Variants in CNTN6 observed in about 807,000 individuals in gnomAD.
The protein encoded by CNTN6 is contactin-6.
Under a neutral mutation model 122.8 loss-of-function variants are expected in CNTN6, and 137 were observed. That is an observed-to-expected ratio of 1.12 (90% confidence interval 0.97 to 1.29). The LOEUF is 1.29. CNTN6 is among the 50% of genes most tolerant of loss of function. The pLI, the probability that CNTN6 is intolerant of heterozygous loss-of-function variation, is 0.00. For missense variants in CNTN6, 1,634 were observed against 1,223.4 expected (o/e 1.34, Z -5.01); for synonymous variants, 570 against 426.0 (o/e 1.34, Z -4.16).
In CNTN6 at chr3:1,236,469, C is replaced by G. The variant is rs139137622; in HGVS notation, c.358+8476C>G. 3.6e-3 allele frequency among the ~76,000 whole-genome samples: 518 copies of G among 145,286 alleles called. 4 individuals carry two copies. The highest frequency in any genetic ancestry group is 0.014 in the African/African-American group (488 of 35,500). ...CTGGTAGCTCCACTGGGTGCCAGAT[C>G]CAGAAAAGCAAAGCAATCACTACAG... On this transcript the variant is annotated intron_variant, in intron 4 of 22. Transcript: ENST00000446702.
chr3:1,375,254 G>A (rs1217541676), intron 16 of CNTN6, among the ~76,000 whole-genome samples: 1 of 152,022 alleles, frequency 6.6e-6, no homozygotes, highest in Admixed American at 6.6e-5. Flanking sequence ...TTTGGACAGG[G>A]TTGACAGAAA....
chr3:1,360,174 C>T (rs1304779659), intron 12 of CNTN6, among the ~76,000 whole-genome samples: 2 of 151,986 alleles, frequency 1.3e-5, no homozygotes, highest in African/African-American at 4.8e-5. Context: ...AAGTAGAATT[C>T]TAGACTGGAA....
chr3:1,245,245 CATATATATATA>C lies in CNTN6; in HGVS notation c.358+17254_358+17264del, dbSNP rs1353177663. ...ATATATATATATATATACACACACA[CATATATATATA>C]ACATATATATATATATATACACACA... On this transcript the variant is annotated intron_variant, in intron 4 of 22. Coordinates refer to ENST00000446702, the MANE Select transcript of CNTN6 (RefSeq NM_001289080.2). 8.4e-3 allele frequency among the ~76,000 whole-genome samples: 118 copies of C among 14,118 alleles called. 23 individuals are homozygous for C. Among genetic ancestry groups the C allele is most frequent in the African/African-American group, 0.028 (107 of 3,772 alleles). 9.3% of individuals were successfully genotyped at this position (14,118 alleles called of 152,430 possible). A position where few individuals can be genotyped will look rare whatever the true frequency, so the allele number is the denominator to read the frequency against.
rs545213995 is a variant in CNTN6, at chr3:1,263,276, C to T, written c.359-15137C>T. Among the ~76,000 whole-genome samples, 82 of 152,242 alleles carry T rather than the reference C, an allele frequency of 5.4e-4. 2 individuals carry two copies. In the South Asian group the frequency reaches 0.016, roughly 30 times the overall value. The stretch of plus-strand genomic sequence containing the variant: ...AGCACAGATTTATCTGACTCCAAAG[C>T]CCAAACATTTTCCTTCAACTATGTG... On this transcript the variant is annotated intron_variant, in intron 4 of 22. Transcript: ENST00000446702.
intron 5 of CNTN6, among the ~76,000 whole-genome samples, chr3:1,286,085 C>G (rs1644840975): frequency 6.6e-6 from 1 of 152,224 alleles, no homozygotes; most frequent in Non-Finnish European, 1.5e-5. Context: ...GCACATCAAA[C>G]AGAACTCTCC....
At chr3:1,357,678 A>G (rs1381616372) in intron 12 of CNTN6, among the ~76,000 whole-genome samples, 3 of 151,888 alleles carry the variant, frequency 2.0e-5, no homozygotes, top group Non-Finnish European at 4.4e-5. Context: ...CGCATTGTTC[A>G]AAGTCTAGCA....
intron 4 of CNTN6, among the ~76,000 whole-genome samples, chr3:1,262,208 T>C (rs1277262003): frequency 6.6e-6 from 1 of 152,128 alleles, no homozygotes; most frequent in Non-Finnish European, 1.5e-5. Flanking sequence ...ACAAGAGGAC[T>C]TCATGGTAGG....
chr3:1,270,734 G>C (rs2095010560), intron 4 of CNTN6, among the ~76,000 whole-genome samples: 1 of 152,140 alleles, frequency 6.6e-6, no homozygotes, highest in Non-Finnish European at 1.5e-5. Context: ...TTTAAAATTA[G>C]ACCTAACGTC....
At chr3:1,340,599 G>GT (rs763933634) in intron 11 of CNTN6, among the ~76,000 whole-genome samples, 7 of 152,260 alleles carry the variant, frequency 4.6e-5, no homozygotes, top group Non-Finnish European at 1.0e-4. Flanking sequence ...ATAAGACTGT[G>GT]TATTATAACT....
chr3:1,205,664 T>C (rs11128580), intron 2 of CNTN6, among the ~76,000 whole-genome samples: 74,977 of 152,072 alleles, frequency 0.49, 20,928 homozygotes, highest in East Asian at 0.81. Context: ...AATCATCAAT[T>C]TCAAAGAAAT....
Position 1,295,642 on chromosome 3 carries a change from G to C in CNTN6, c.496G>C (p.Val166Leu). 1 of 1,613,770 alleles carries C rather than the reference G, an allele frequency of 6.2e-7. No individual in the cohort carries two copies. Among genetic ancestry groups the C allele is most frequent in the Non-Finnish European group, 8.5e-7 (1 of 1,179,842 alleles). ...AWTFNDNPLY[V>L]QEDNRRFVSQ... ...GACCTTCAATGATAACCCCTTATAC[G>C]TCCAAGAGGACAATAGGCGATTTGT... Residue 166 changes from valine (V) to leucine (L), a missense_variant, in exon 6 of 23, where the codon GTC (valine) becomes CTC (leucine). Transcript: ENST00000446702.
intron 4 of CNTN6, among the ~76,000 whole-genome samples, chr3:1,249,040 T>G (rs1007028421): frequency 6.6e-6 from 1 of 152,164 alleles, no homozygotes; most frequent in Non-Finnish European, 1.5e-5. Context: ...AGATTCTACA[T>G]GTTTAACAAG....
intron 2 of CNTN6, among the ~76,000 whole-genome samples, chr3:1,171,998 C>G (rs1252087556): frequency 6.6e-6 from 1 of 152,152 alleles, no homozygotes; most frequent in Admixed American, 6.5e-5. Flanking sequence ...CAATTTCACA[C>G]CATCCAAACC....
chr3:1,115,472 G>A (rs1431217964), intron 1 of CNTN6, among the ~76,000 whole-genome samples: 3 of 152,146 alleles, frequency 2.0e-5, no homozygotes, highest in East Asian at 1.9e-4. Flanking sequence ...CAAAAGGGCC[G>A]GGTACGGTGG....
At chr3:1,325,434 A>C (rs912961761) in intron 8 of CNTN6, among the ~76,000 whole-genome samples, 1 of 151,892 alleles carries the variant, frequency 6.6e-6, no homozygotes, top group Admixed American at 6.6e-5. Context: ...ATAATCAGTG[A>C]ACTTTCAGAT....
At chr3:1,315,028 G>T (rs1276441514) in intron 7 of CNTN6, among the ~76,000 whole-genome samples, 2 of 151,874 alleles carry the variant, frequency 1.3e-5, no homozygotes, top group Non-Finnish European at 2.9e-5. Context: ...GGGGAGAAGT[G>T]TAAAATTGGA....
At chr3:1,300,557 A>AAG (rs1553668942) in intron 7 of CNTN6, among the ~76,000 whole-genome samples, 3 of 107,186 alleles carry the variant, frequency 2.8e-5, no homozygotes, top group Non-Finnish European at 4.1e-5. Flanking sequence ...AAGAGAAAGA[A>AAG]AAAGAAAGAA....
intron 5 of CNTN6, among the ~76,000 whole-genome samples, chr3:1,289,875 C>T (rs189903527): frequency 8.7e-4 from 132 of 152,162 alleles, no homozygotes; most frequent in African/African-American, 2.9e-3. Flanking sequence ...GGGGTTTCAC[C>T]GTGTTAGCCA....
chr3:1,297,350 C>G (rs960820256), intron 6 of CNTN6, among the ~76,000 whole-genome samples: 1 of 152,104 alleles, frequency 6.6e-6, no homozygotes, highest in African/African-American at 2.4e-5. Flanking sequence ...TACAACTCCT[C>G]TGGTAGGCAG....
Sources: allele counts gnomAD v4.1 joint callset (sites outside exome capture counted in the v4.1 genomes callset), GRCh38; gene constraint gnomAD v4.1.1; transcripts MANE v1.5; gene names NCBI Gene and HGNC (gene_info 2026-07-23, HGNC 2026-07-21).